CLDN14: variants seen among roughly 807,000 people sequenced by gnomAD.
The protein encoded by CLDN14 is claudin 14.
CLDN14 carries 2 observed loss-of-function variants against 2.1 expected under a neutral mutation model. The observed-to-expected ratio is 0.96, with a 90% CI of 0.39 to 3.01. The LOEUF is 3.01. Among genes scored for constraint, CLDN14 ranks in the 30% most tolerant of loss-of-function variants. The probability of loss-of-function intolerance (pLI) is 0.09; values close to 1 mark genes in which losing one functional copy is unlikely to be tolerated. For synonymous variants in CLDN14, 136 were observed against 154.4 expected, an observed-to-expected ratio of 0.88 and a Z score of 0.88; for missense variants, 298 against 328.0, an observed-to-expected ratio of 0.91 and a Z score of 0.71.
At chr21:36,514,141 C>T (rs1027117414) in intron 1 of CLDN14, among the ~76,000 whole-genome samples, 1 of 152,186 alleles carries the variant, frequency 6.6e-6, no homozygotes, top group Non-Finnish European at 1.5e-5. Flanking sequence ...CAGGTATGAG[C>T]CACTGCACCC....
chr21:36,524,272 G>A (rs996376868), intron 1 of CLDN14, among the ~76,000 whole-genome samples: 8 of 152,070 alleles, frequency 5.3e-5, no homozygotes, highest in South Asian at 2.1e-4. Context: ...CGTGTGTGCC[G>A]CCATGCCTGG....
At chr21:36,567,366 A>C (rs999007993) in intron 1 of CLDN14, among the ~76,000 whole-genome samples, 2 of 152,252 alleles carry the variant, frequency 1.3e-5, no homozygotes, top group Non-Finnish European at 2.9e-5. Flanking sequence ...AGAGAAGCCC[A>C]GAGGGGCCCA....
rs970697792 is a variant in CLDN14, at chr21:36,499,837, G to A, written c.-82+10526C>T. On this transcript the variant is annotated intron_variant, in intron 2 of 2. Coordinates refer to the CLDN14 transcript ENST00000342108. This position sits in a 1 kb window ranked among gnomAD's most constrained non-coding sequence, Gnocchi z 4.7. Reference sequence around the variant, plus strand: ...GATCAATGCTGCCCCCAGGGCTGCTGTCATCTCCTGATGACGAGCAACATT... The same window carrying A: ...GATCAATGCTGCCCCCAGGGCTGCTATCATCTCCTGATGACGAGCAACATT... 2.6e-5 allele frequency among the ~76,000 whole-genome samples: 4 copies of A among 152,122 alleles called. No homozygotes were observed. Among genetic ancestry groups the A allele is most frequent in the African/African-American group, 7.2e-5 (3 of 41,434 alleles).
intron 1 of CLDN14, among the ~76,000 whole-genome samples, chr21:36,568,483 C>G (rs1454240774): frequency 6.6e-6 from 1 of 152,092 alleles, no homozygotes; most frequent in African/African-American, 2.4e-5. Flanking sequence ...TTCCCTAGAG[C>G]CCCTGGCATG....
chr21:36,493,258 G>C (rs1023635443), intron 2 of CLDN14, among the ~76,000 whole-genome samples: 1 of 152,170 alleles, frequency 6.6e-6, no homozygotes, highest in African/African-American at 2.4e-5. Context: ...CCCCACAGTT[G>C]GGGGTGTCAC....
chr21:36,525,634 G>A (rs11088355), intron 1 of CLDN14, among the ~76,000 whole-genome samples: 40,751 of 152,014 alleles, frequency 0.27, 5,954 homozygotes, highest in African/African-American at 0.38. Context: ...CCAAGCTGGT[G>A]AGCAGCAGGA....
At position 36,543,514 on chromosome 21, in the gene CLDN14, A is replaced by G. The variant is rs192011270; in HGVS notation, c.-220+32897T>C. ...GTGCTTAGATTCTGCCTATAACTTA[A>G]TAAGTATGTTATCATTTGATAGTAA... On this transcript the variant is annotated intron_variant, in intron 1 of 2. Coordinates refer to the CLDN14 transcript ENST00000342108. 2.0e-5 allele frequency among the ~76,000 whole-genome samples: 3 copies of G among 152,324 alleles called. No individual in the cohort carries two copies. The East Asian group carries it at 5.8e-4, about 29-fold the overall frequency.
At chr21:36,475,867 GT>G (rs1387840769) in intron 1 of CLDN14, among the ~76,000 whole-genome samples, 4 of 152,172 alleles carry the variant, frequency 2.6e-5, no homozygotes, top group Admixed American at 2.0e-4. Flanking sequence ...TAGAGACGGG[GT>G]TTCACTCCGT....
chr21:36,521,049 C>T (rs570792268), intron 1 of CLDN14, among the ~76,000 whole-genome samples: 5 of 151,878 alleles, frequency 3.3e-5, no homozygotes, highest in African/African-American at 4.8e-5. Flanking sequence ...AAAAGCCAGA[C>T]GTTCTTGAAA....
At chr21:36,486,054 C>A in intron 2 of CLDN14, 1 of 1,416,892 alleles carries the variant, frequency 7.1e-7, no homozygotes, top group East Asian at 2.3e-5. Flanking sequence ...GAGCCCACAG[C>A]GTTTCAAATG....
At chr21:36,558,737 C>G (rs888701408) in intron 1 of CLDN14, among the ~76,000 whole-genome samples, 6 of 148,312 alleles carry the variant, frequency 4.0e-5, no homozygotes, top group African/African-American at 9.8e-5. Flanking sequence ...TTACTGAATT[C>G]ATTTATTACT....
chr21:36,512,727 G>A (rs2087195866), intron 1 of CLDN14, among the ~76,000 whole-genome samples: 1 of 152,188 alleles, frequency 6.6e-6, no homozygotes, highest in African/African-American at 2.4e-5. Flanking sequence ...GTGAACATAT[G>A]TGTGTATGCA....
chr21:36,488,285 CTTTT>C (rs2086921438), intron 2 of CLDN14, among the ~76,000 whole-genome samples: 1 of 149,704 alleles, frequency 6.7e-6, no homozygotes, highest in Non-Finnish European at 1.5e-5. Flanking sequence ...CTCTCTCTTT[CTTTT>C]TGAGACAGAG....
At chr21:36,488,268 T>TCCTC (rs1555846834) in intron 2 of CLDN14, among the ~76,000 whole-genome samples, 12 of 150,122 alleles carry the variant, frequency 8.0e-5, no homozygotes, top group Admixed American at 1.3e-4. Context: ...CTTCCTTCCT[T>TCCTC]CCTTCCCTCT....
rs1291786068 is a variant in CLDN14 at position 36,461,452 on chromosome 21, C to T, written c.244G>A (p.Ala82Thr). The change falls in exon 2 of 2, where the codon GCC (alanine) becomes ACC (threonine). Residue 82 changes from alanine (A) to threonine (T), a missense_variant. Ala to Thr is a moderately conservative substitution (Grantham distance 58, BLOSUM62 0). Transcript: ENST00000399135. ...ALPQDLQAAR[A>T]LMVISCLLSG... ...AGCAGGCAGGAGATGACCATGAGGGCGCGGGCAGCCTGGAGGTCTTGGGGC... is the reference window on the plus strand; with the variant it reads ...AGCAGGCAGGAGATGACCATGAGGGTGCGGGCAGCCTGGAGGTCTTGGGGC... 5.0e-6 allele frequency: 8 copies of T among 1,613,226 alleles called. No individual in the cohort carries two copies. Among genetic ancestry groups the T allele is most frequent in the South Asian group, 3.3e-5 (3 of 91,082 alleles).
intron 1 of CLDN14, among the ~76,000 whole-genome samples, chr21:36,540,322 A>G (rs1456492765): frequency 5.3e-5 from 8 of 152,142 alleles, no homozygotes; most frequent in Non-Finnish European, 1.5e-5. Context: ...ATGTAAAGCT[A>G]TGTAAATAGT....
At chr21:36,468,988 G>A (rs761504751) in intron 1 of CLDN14, among the ~76,000 whole-genome samples, 22 of 152,002 alleles carry the variant, frequency 1.4e-4, no homozygotes, top group Non-Finnish European at 1.2e-4. Flanking sequence ...TTGAACTCCT[G>A]GCCTCAAGTG....
At chr21:36,550,572 A>G (rs452081) in intron 1 of CLDN14, among the ~76,000 whole-genome samples, 111,851 of 151,668 alleles carry the variant, frequency 0.74, 42,647 homozygotes, top group Non-Finnish European at 0.85. Context: ...AGTTGGGCCC[A>G]TGGCATCAGC....
At chr21:36,494,678 T>G (rs1427448912) in intron 2 of CLDN14, among the ~76,000 whole-genome samples, 2 of 152,118 alleles carry the variant, frequency 1.3e-5, no homozygotes, top group Non-Finnish European at 2.9e-5. Context: ...CACAGGCACA[T>G]GCAGGGGGAT....
Sources: allele counts gnomAD v4.1 joint callset (sites outside exome capture counted in the v4.1 genomes callset), GRCh38; gene constraint gnomAD v4.1.1; non-coding constraint Gnocchi (gnomAD v3.1); transcripts MANE v1.5; gene names NCBI Gene and HGNC (gene_info 2026-07-23, HGNC 2026-07-21).